Variants in PARD3 observed in about 807,000 individuals in gnomAD.
The protein encoded by PARD3 is par-3 family cell polarity regulator, also known as partitioning defective 3 homolog.
In PARD3, 75 loss-of-function variants were observed where a neutral mutation model predicts 155.4. The ratio of observed to expected loss-of-function variants is 0.48; its 90% CI spans 0.40 to 0.58. PARD3 has a LOEUF of 0.58. Among genes scored for constraint, PARD3 ranks in the 20% least tolerant of loss-of-function variants. PARD3 has a pLI of 0.00. For missense variants in PARD3, 1,642 were observed against 1,721.7 expected, an observed-to-expected ratio of 0.95 and a Z score of 0.82; for synonymous variants, 576 against 610.5, an observed-to-expected ratio of 0.94 and a Z score of 0.83.
intron 2 of PARD3, among the ~76,000 whole-genome samples, chr10:34,630,682 G>A (rs1411946718): frequency 1.3e-5 from 2 of 151,828 alleles, no homozygotes; most frequent in South Asian, 2.1e-4. Context: ...GAGCTCAAGC[G>A]ATCCTCCCAC....
At chr10:34,510,589 T>G (rs1295845898) in intron 3 of PARD3, among the ~76,000 whole-genome samples, 6 of 152,176 alleles carry the variant, frequency 3.9e-5, no homozygotes, top group Admixed American at 3.9e-4. Context: ...AAGATTAGGT[T>G]AAAATTCGGT....
chr10:34,572,933 C>A (rs190861177), intron 2 of PARD3, among the ~76,000 whole-genome samples: 1 of 152,052 alleles, frequency 6.6e-6, no homozygotes, highest in East Asian at 1.9e-4. Flanking sequence ...TAAATAATAT[C>A]TTATTTTCTA....
chr10:34,715,449 C>T (rs1011353307), intron 1 of PARD3, among the ~76,000 whole-genome samples: 2 of 152,120 alleles, frequency 1.3e-5, no homozygotes, highest in African/African-American at 4.8e-5. Flanking sequence ...AAGATACAAG[C>T]CATGAAGTCC....
chr10:34,436,008 T>C (rs1310444279), intron 5 of PARD3, among the ~76,000 whole-genome samples: 2 of 152,204 alleles, frequency 1.3e-5, no homozygotes, highest in African/African-American at 2.4e-5. Context: ...AAATAGGAGA[T>C]AGGAATGCTC....
rs1323217187 is a variant in PARD3 at position 34,814,727 on chromosome 10, G to GA, written c.120+148_120+149insT. 20 of 641,012 alleles carry GA rather than the reference G, an allele frequency of 3.1e-5. No homozygotes were observed. The African/African-American group carries it at 3.9e-4, about 13-fold the overall frequency. 39.7% of individuals were successfully genotyped at this position (641,012 alleles called of 1,614,324 possible). On this transcript the variant is annotated intron_variant, in intron 1 of 24. Transcript: ENST00000374788. Reference sequence around the variant, plus strand: ...AGAGAACTTTGGCGCCCGCAGTCCGGGGCGGGGGGCGCCCGCGAGGCCCGA... The same window carrying GA: ...AGAGAACTTTGGCGCCCGCAGTCCGGAGGCGGGGGGCGCCCGCGAGGCCCGA...
At chr10:34,685,531 A>G (rs1182155884) in intron 2 of PARD3, among the ~76,000 whole-genome samples, 1 of 152,208 alleles carries the variant, frequency 6.6e-6, no homozygotes, top group African/African-American at 2.4e-5. Flanking sequence ...GAAAAAACTC[A>G]GAGTAAACCG....
intron 2 of PARD3, among the ~76,000 whole-genome samples, chr10:34,681,768 A>AT (rs56661701): frequency 5.7e-5 from 1 of 17,404 alleles, no homozygotes; most frequent in Non-Finnish European, 9.3e-5. Context: ...ATATATATAT[A>AT]TTTTTTTTTT....
At chr10:34,581,288 G>A (rs1291426144) in intron 2 of PARD3, among the ~76,000 whole-genome samples, 26 of 131,328 alleles carry the variant, frequency 2.0e-4, no homozygotes, top group Non-Finnish European at 1.5e-5. Flanking sequence ...AGGCTGGAGT[G>A]CAGTGGCACG....
chr10:34,358,521 C>A (rs1839121638), intron 14 of PARD3, among the ~76,000 whole-genome samples: 1 of 152,056 alleles, frequency 6.6e-6, no homozygotes, highest in South Asian at 2.1e-4. Flanking sequence ...AAGAGAACAC[C>A]ATCATCTAAG....
At chr10:34,751,537 T>C (rs1836029607) in intron 1 of PARD3, among the ~76,000 whole-genome samples, 1 of 152,180 alleles carries the variant, frequency 6.6e-6, no homozygotes. Flanking sequence ...CCCCACAGTG[T>C]ATCAGCCCTG....
intron 9 of PARD3, among the ~76,000 whole-genome samples, chr10:34,378,724 C>A (rs1223564595): frequency 6.6e-6 from 1 of 152,148 alleles, no homozygotes; most frequent in Non-Finnish European, 1.5e-5. Flanking sequence ...TCACCACCCC[C>A]CACTCCCAAA....
chr10:34,152,876 C>A (rs942661230), intron 22 of PARD3, among the ~76,000 whole-genome samples: 3 of 152,138 alleles, frequency 2.0e-5, no homozygotes, highest in Non-Finnish European at 2.9e-5. Context: ...AATTAAAGAG[C>A]ATTCCAATGA....
chr10:34,259,669 A>G (rs1588967309), intron 22 of PARD3, among the ~76,000 whole-genome samples: 1 of 152,216 alleles, frequency 6.6e-6, no homozygotes, highest in East Asian at 1.9e-4. Flanking sequence ...CCCATCATAC[A>G]ACGAGAGGAA....
chr10:34,728,225 C>G (rs2094753214), intron 1 of PARD3, among the ~76,000 whole-genome samples: 1 of 152,114 alleles, frequency 6.6e-6, no homozygotes, highest in Non-Finnish European at 1.5e-5. Context: ...TTAGAAAACA[C>G]TCAAATTTAG....
chr10:34,360,199 C>G lies in PARD3; in HGVS notation c.1768G>C (p.Glu590Gln). 2 of 1,613,946 alleles carry G rather than the reference C, an allele frequency of 1.2e-6. No homozygotes were observed. Among genetic ancestry groups the G allele is most frequent in the Non-Finnish European group, 1.7e-6 (2 of 1,179,836 alleles). The change falls in exon 13 of 25, where the codon GAA becomes CAA. Residue 590 changes from glutamate to glutamine, a missense_variant. Coordinates refer to ENST00000374788, the MANE Select transcript of PARD3 (RefSeq NM_001184785.2). ...PDGTREFLTF[E>Q]VPLNDSGSAG... ...GATCCTGAATCATTAAGTGGGACTT[C>G]AAATGTCAGAAATTCCCTGGTGCCA... is the stretch of plus-strand genomic sequence containing the variant.
At chr10:34,560,463 G>A (rs1389456668) in intron 2 of PARD3, among the ~76,000 whole-genome samples, 1 of 140,052 alleles carries the variant, frequency 7.1e-6, no homozygotes, top group African/African-American at 3.3e-5. Context: ...TTGATGAAAA[G>A]AGGACACAAG....
At position 34,111,470 on chromosome 10, in the gene PARD3, G is replaced by T. The variant is rs1377288983; in HGVS notation, c.3761C>A (p.Pro1254His). 16 of 1,614,108 alleles carry T rather than the reference G, an allele frequency of 9.9e-6. No individual in the cohort carries two copies. Among genetic ancestry groups the T allele is most frequent in the Non-Finnish European group, 1.4e-5 (16 of 1,180,016 alleles). The stretch of plus-strand genomic sequence containing the variant: ...GGAGCCTTGGTAGCTGGAGTACCTG[G>T]GGTTCTCTTTGGCACTCTGGAAGCC... ...GEGFQSAKEN[P>H]RYSSYQGSRN... is the part of the protein sequence containing the mutation. The change falls in exon 25 of 25, where the codon CCC becomes CAC. Residue 1254 changes from proline to histidine, a missense_variant. Pro to His is a moderately conservative substitution (Grantham distance 77). Coordinates refer to ENST00000374788, the MANE Select transcript of PARD3 (RefSeq NM_001184785.2).
chr10:34,521,386 T>C (rs375252424), intron 2 of PARD3, among the ~76,000 whole-genome samples: 3 of 130,838 alleles, frequency 2.3e-5, no homozygotes, highest in African/African-American at 5.9e-5. Flanking sequence ...AAAAAAAAGG[T>C]GGGGGGAACC....
At chr10:34,501,394 T>G (rs1024670537) in intron 3 of PARD3, among the ~76,000 whole-genome samples, 1 of 152,102 alleles carries the variant, frequency 6.6e-6, no homozygotes, top group Non-Finnish European at 1.5e-5. Context: ...GATTATAAGC[T>G]TCCAGAGGCT....
Sources: allele counts gnomAD v4.1 joint callset (sites outside exome capture counted in the v4.1 genomes callset), GRCh38; gene constraint gnomAD v4.1.1; transcripts MANE v1.5; gene names NCBI Gene and HGNC (gene_info 2026-07-23, HGNC 2026-07-21).